The following CACNA2D3 variants were observed in gnomAD, a reference collection of about 807,000 sequenced individuals.
CACNA2D3 encodes calcium voltage-gated channel auxiliary subunit alpha2delta 3, also known as voltage-dependent calcium channel subunit alpha-2/delta-3.
A neutral mutation model predicts 160.6 loss-of-function variants in CACNA2D3; 60 were observed. The observed-to-expected ratio is 0.37, with a 90% CI of 0.30 to 0.46. CACNA2D3 has a LOEUF of 0.46. CACNA2D3 is among the 20% of genes least tolerant of loss of function. The pLI, the probability that CACNA2D3 is intolerant of heterozygous loss-of-function variation, is 1.00. For synonymous variants in CACNA2D3, 558 were observed against 492.9 expected, an observed-to-expected ratio of 1.13 and a Z score of -1.75; for missense variants, 1,205 against 1,365.0, an observed-to-expected ratio of 0.88 and a Z score of 1.85.
chr3:54,991,382 C>T (rs915572294), intron 31 of CACNA2D3, among the ~76,000 whole-genome samples: 8 of 151,992 alleles, frequency 5.3e-5, no homozygotes, highest in African/African-American at 1.9e-4. Context: ...ACCACCATGC[C>T]CAGCTAATTT....
At position 54,727,254 on chromosome 3, in the gene CACNA2D3, A is replaced by G. The variant is rs529235349; in HGVS notation, c.1168-25345A>G. 1.4e-4 allele frequency among the ~76,000 whole-genome samples: 21 copies of G among 152,334 alleles called. No individual in the cohort carries two copies. The East Asian group carries it at 4.1e-3, about 29-fold the overall frequency. On this transcript the variant is annotated intron_variant, in intron 11 of 37. Coordinates refer to ENST00000474759, the MANE Select transcript of CACNA2D3 (RefSeq NM_018398.3). ...ATGGAGGTCATTAAAAAGTCAGGAAACAACAGATGTGGGAGAGGATGTGGA... is the reference window on the plus strand; with the variant it reads ...ATGGAGGTCATTAAAAAGTCAGGAAGCAACAGATGTGGGAGAGGATGTGGA...
chr3:54,735,592 T>G (rs929634657), intron 11 of CACNA2D3, among the ~76,000 whole-genome samples: 6 of 152,108 alleles, frequency 3.9e-5, no homozygotes, highest in African/African-American at 1.4e-4. Context: ...TAGAACATCT[T>G]TATGCCCATG....
chr3:54,219,631 G>A (rs6806229), intron 2 of CACNA2D3, among the ~76,000 whole-genome samples: 12,983 of 151,914 alleles, frequency 0.085, 1,775 homozygotes, highest in African/African-American at 0.29. Flanking sequence ...CAAGGGACGC[G>A]TTACTTATGT....
At chr3:54,510,393 C>G (rs568955335) in intron 5 of CACNA2D3, among the ~76,000 whole-genome samples, 1 of 152,322 alleles carries the variant, frequency 6.6e-6, no homozygotes, top group African/African-American at 2.4e-5. Context: ...CCACCATTCT[C>G]CAAGGCAATT....
At chr3:54,284,556 A>G (rs921676057) in intron 2 of CACNA2D3, among the ~76,000 whole-genome samples, 1 of 152,148 alleles carries the variant, frequency 6.6e-6, no homozygotes, top group Non-Finnish European at 1.5e-5. Context: ...TAAAGGAAAA[A>G]TCGTATTAAA....
rs1218862283 is a variant in CACNA2D3, at chr3:54,918,279, G to A, written c.2449+18411G>A. ...TTTTACCTATAGTATTTTAAAAATC[G>A]CAACATAAATTCCTCCCCAGAAATA... is the stretch of plus-strand genomic sequence containing the variant. On this transcript the variant is annotated intron_variant, in intron 27 of 37. Coordinates refer to ENST00000474759, the MANE Select transcript of CACNA2D3 (RefSeq NM_018398.3). 2.1e-5 allele frequency: 13 copies of A among 630,682 alleles called. No homozygotes were observed. In the South Asian group the frequency reaches 2.6e-4, roughly 13 times the overall value. The allele number at this position is 630,682 out of a possible 1,614,324, so 39.1% of individuals were successfully genotyped here.
intron 4 of CACNA2D3, among the ~76,000 whole-genome samples, chr3:54,456,592 C>T (rs1321977842): frequency 6.6e-6 from 1 of 151,730 alleles, no homozygotes; most frequent in Non-Finnish European, 1.5e-5. Context: ...GTGTCCTTGT[C>T]TGGTATTGTA....
chr3:54,128,339 A>C (rs7636792), intron 2 of CACNA2D3, among the ~76,000 whole-genome samples: 124,648 of 152,108 alleles, frequency 0.82, 51,543 homozygotes, highest in East Asian at 0.98. Context: ...AAACCATCAC[A>C]CCCGGCACCT....
At chr3:54,336,042 G>T (rs1306623751) in intron 3 of CACNA2D3, among the ~76,000 whole-genome samples, 1 of 147,732 alleles carries the variant, frequency 6.8e-6, no homozygotes, top group Admixed American at 6.7e-5. Flanking sequence ...GAGTTTTTCT[G>T]GTTCCAATGC....
chr3:54,863,099 C>T (rs1267011851), intron 17 of CACNA2D3, among the ~76,000 whole-genome samples: 2 of 152,182 alleles, frequency 1.3e-5, no homozygotes, highest in African/African-American at 4.8e-5. Flanking sequence ...GTTCTAATGA[C>T]ACAGCAGTTT....
At chr3:54,551,425 A>G (rs372571475) in intron 5 of CACNA2D3, among the ~76,000 whole-genome samples, 1 of 152,236 alleles carries the variant, frequency 6.6e-6, no homozygotes, top group Non-Finnish European at 1.5e-5. Flanking sequence ...CTTTGGGGAT[A>G]TTAGAAAATA....
chr3:54,450,989 T>C (rs4974360), intron 4 of CACNA2D3, among the ~76,000 whole-genome samples: 19,303 of 151,948 alleles, frequency 0.13, 1,546 homozygotes, highest in Admixed American at 0.24. Context: ...TGGGAGGAAT[T>C]GGAAGGAATA....
intron 2 of CACNA2D3, among the ~76,000 whole-genome samples, chr3:54,128,388 G>A (rs1356676925): frequency 6.6e-6 from 1 of 152,160 alleles, no homozygotes; most frequent in Non-Finnish European, 1.5e-5. Context: ...AAAGTTTGAA[G>A]CACATATTCT....
At position 54,896,845 on chromosome 3, in the gene CACNA2D3, C is replaced by T. The variant is rs192845524; in HGVS notation, c.2343C>T (p.Phe781=). The T allele has an allele frequency of 4.4e-5, 71 of 1,613,976 alleles. No individual in the cohort carries two copies. The East Asian group carries it at 1.2e-3, about 26-fold the overall frequency. ...CCGCTGAGCAGATTCCAGGGAGCTT[C>T]GTCTACTCGATCCCATTCAGCACTG... ...RRAAEQIPGS[F]VYSIPFSTGP... is the part of the protein sequence containing the mutation. Residue 781 remains phenylalanine, a synonymous_variant, in exon 26 of 38, where the codon TTC becomes TTT. Transcript: ENST00000474759.
chr3:54,315,753 A>G (rs1468323291), intron 2 of CACNA2D3, among the ~76,000 whole-genome samples: 1 of 152,074 alleles, frequency 6.6e-6, no homozygotes, highest in Non-Finnish European at 1.5e-5. Flanking sequence ...TACACGTGAA[A>G]AGCTTCTGGC....
Position 54,123,436 on chromosome 3 carries a change from TGTGTGC to T in CACNA2D3, c.123-61_123-56del, listed in dbSNP as rs566135326. ...CACTGCTCCTTCAGCCATAGTCCCATGTGTGCGTGTGCGTGTGCGTGCGTGTTGACT... is the reference window on the plus strand; with the variant it reads ...CACTGCTCCTTCAGCCATAGTCCCATGTGTGCGTGTGCGTGCGTGTTGACT... On this transcript the variant is annotated intron_variant, in intron 1 of 37. Transcript: ENST00000474759. 4.3e-4 allele frequency: 392 copies of T among 916,884 alleles called. 1 individual carries two copies. Among genetic ancestry groups the T allele is most frequent in the African/African-American group, 2.1e-3 (129 of 61,416 alleles). The allele number at this position is 916,884 out of a possible 1,614,324, so 56.8% of individuals were successfully genotyped here. A position where few individuals can be genotyped will look rare whatever the true frequency, so the allele number is the denominator to read the frequency against.
At chr3:54,175,996 C>A (rs898486855) in intron 2 of CACNA2D3, among the ~76,000 whole-genome samples, 1 of 152,190 alleles carries the variant, frequency 6.6e-6, no homozygotes, top group Admixed American at 6.5e-5. Flanking sequence ...AATGAAAACT[C>A]AGGGAAGGGA....
intron 35 of CACNA2D3, among the ~76,000 whole-genome samples, chr3:55,055,403 G>C (rs111412545): frequency 4.6e-5 from 7 of 152,060 alleles, no homozygotes; most frequent in African/African-American, 1.7e-4. Context: ...TCCATTAATA[G>C]ATGTGTTTAT....
At chr3:54,852,120 T>G (rs1225482332) in intron 17 of CACNA2D3, among the ~76,000 whole-genome samples, 1 of 152,226 alleles carries the variant, frequency 6.6e-6, no homozygotes, top group East Asian at 1.9e-4. Context: ...CCAGTTAGCC[T>G]CCTCTGCCGT....
Sources: allele counts gnomAD v4.1 joint callset (sites outside exome capture counted in the v4.1 genomes callset), GRCh38; gene constraint gnomAD v4.1.1; transcripts MANE v1.5; gene names NCBI Gene and HGNC (gene_info 2026-07-23, HGNC 2026-07-21).